Variants in ZFAT observed in about 807,000 individuals in gnomAD.
ZFAT encodes the protein zinc finger and AT-hook domain containing.
Under a neutral mutation model 117.7 loss-of-function variants are expected in ZFAT, and 64 were observed. The ratio of observed to expected loss-of-function variants is 0.54; its 90% CI spans 0.44 to 0.67. The LOEUF (loss-of-function observed/expected upper bound fraction) is 0.67, where lower values mean the gene tolerates loss of function less well. Ranked by LOEUF, ZFAT falls within the 30% of genes least tolerant of loss-of-function variation. The pLI is 0.00. For missense variants in ZFAT, 1,433 were observed against 1,584.5 expected (o/e 0.90, Z 1.62); for synonymous variants, 679 against 615.0 (o/e 1.10, Z -1.54).
intron 11 of ZFAT, among the ~76,000 whole-genome samples, chr8:134,559,980 T>G (rs1038039672): frequency 1.3e-5 from 2 of 152,230 alleles, no homozygotes; most frequent in African/African-American, 2.4e-5. Context: ...CAATATTTTT[T>G]TCTTGGATTT....
At chr8:134,586,102 T>G (rs564116646) in intron 9 of ZFAT, among the ~76,000 whole-genome samples, 155 of 152,342 alleles carry the variant, frequency 1.0e-3, no homozygotes, top group Middle Eastern at 6.8e-3. Context: ...GTATGGTGTG[T>G]GTACTGATAT....
At chr8:134,705,146 A>C (rs1265123685) in intron 1 of ZFAT, among the ~76,000 whole-genome samples, 1 of 152,206 alleles carries the variant, frequency 6.6e-6, no homozygotes, top group African/African-American at 2.4e-5. Flanking sequence ...GAATATATAA[A>C]GAACTCTTAC....
intron 14 of ZFAT, chr8:134,510,584 C>CCACCGAGA: frequency 1.2e-5 from 2 of 165,778 alleles, no homozygotes; most frequent in Admixed American, 5.9e-5. Context: ...CAGTGGCGGA[C>CCACCGAGA]TTATATTCAC....
the ZFAT span, among the ~76,000 whole-genome samples, chr8:134,778,040 A>C: frequency 6.6e-6 from 1 of 152,140 alleles, no homozygotes; most frequent in Non-Finnish European, 1.5e-5. Context: ...CCAGCTTTCA[A>C]ATTACCCCCA....
the ZFAT span, among the ~76,000 whole-genome samples, chr8:134,800,347 C>G: frequency 6.6e-6 from 1 of 152,164 alleles, no homozygotes; most frequent in Non-Finnish European, 1.5e-5. Flanking sequence ...CTTTTCTCTG[C>G]AAACATATTC....
At chr8:134,495,389 A>G (rs965480098) in intron 15 of ZFAT, among the ~76,000 whole-genome samples, 8 of 152,088 alleles carry the variant, frequency 5.3e-5, no homozygotes. Context: ...CGACCTAATC[A>G]TCTCCCAAAG....
At chr8:134,758,006 C>T in the ZFAT span, among the ~76,000 whole-genome samples, 1 of 152,212 alleles carries the variant, frequency 6.6e-6, no homozygotes, top group South Asian at 2.1e-4. Context: ...GATTTCAAAA[C>T]CTATATTCTG....
intron 10 of ZFAT, among the ~76,000 whole-genome samples, chr8:134,581,335 A>C (rs1479446970): frequency 6.6e-6 from 1 of 152,174 alleles, no homozygotes; most frequent in African/African-American, 2.4e-5. Context: ...GTGGGAAAGC[A>C]ATCATCTGGA....
Position 134,588,385 on chromosome 8 carries a change from C to T in ZFAT, c.2574G>A (p.Met858Ile), listed in dbSNP as rs1329772678. ...TCCCGAGAACCTCAGAAATGGTGCT[C>T]ATGGAGACCTCTAGAAGAAAAGCAG... is the stretch of plus-strand genomic sequence containing the variant. ...HIKTNHPEVS[M>I]STISEVLGRR... The change falls in exon 9 of 16, where the codon ATG becomes ATA. Residue 858 changes from methionine to isoleucine, a missense_variant. By Grantham distance (10) the Met-to-Ile change is conservative (BLOSUM62 1). Transcript: ENST00000377838. 1.9e-6 allele frequency: 3 copies of T among 1,584,438 alleles called. No individual in the cohort carries two copies. The highest frequency in any genetic ancestry group is 2.6e-6 in the Non-Finnish European group (3 of 1,165,778).
chr8:134,582,015 T>C (rs557447289), intron 10 of ZFAT, among the ~76,000 whole-genome samples: 1 of 149,422 alleles, frequency 6.7e-6, no homozygotes, highest in African/African-American at 2.5e-5. Context: ...TCCCAATGTT[T>C]TGTTAGAAAA....
At position 134,594,418 on chromosome 8, in the gene ZFAT, A is replaced by G. The variant is rs532249762; in HGVS notation, c.2476-4063T>C. Among the ~76,000 whole-genome samples, 16 of 152,344 alleles carry G rather than the reference A, an allele frequency of 1.1e-4. No homozygotes were observed. The South Asian group carries it at 2.1e-3, about 20-fold the overall frequency. On this transcript the variant is annotated intron_variant, in intron 7 of 15. Transcript: ENST00000377838. ...ACCTTCTCAGTGCTTTGTTGGCAAT[A>G]TATTATTTTAGCTTATCTCCAGAAA...
the ZFAT span, among the ~76,000 whole-genome samples, chr8:134,744,162 C>T: frequency 3.9e-5 from 6 of 152,302 alleles, no homozygotes; most frequent in African/African-American, 1.4e-4. Context: ...CTCTGAGGCT[C>T]AAGGTCTTCT....
At chr8:134,483,917 C>T (rs1475081199) in intron 15 of ZFAT, among the ~76,000 whole-genome samples, 5 of 152,220 alleles carry the variant, frequency 3.3e-5, no homozygotes, top group South Asian at 2.1e-4. Flanking sequence ...CTCTGCGGTG[C>T]GCCAGGCAGT....
chr8:134,718,568 G>T, the ZFAT span, among the ~76,000 whole-genome samples: 171 of 152,224 alleles, frequency 1.1e-3, no homozygotes, highest in African/African-American at 3.9e-3. Flanking sequence ...CTATGAATAA[G>T]AGTAACAGGG....
At chr8:134,593,565 C>A (rs916734717) in intron 7 of ZFAT, among the ~76,000 whole-genome samples, 8 of 152,118 alleles carry the variant, frequency 5.3e-5, no homozygotes, top group African/African-American at 1.9e-4. Flanking sequence ...ACGGAAATGG[C>A]CTTCAAAGCA....
intron 3 of ZFAT, 42 bp downstream of exon 3, chr8:134,637,419 T>G (rs1399374755): frequency 6.3e-7 from 1 of 1,579,226 alleles, no homozygotes; most frequent in South Asian, 1.2e-5. Flanking sequence ...GATACACCTC[T>G]TCATAAGAAA....
At chr8:134,729,345 T>A in the ZFAT span, among the ~76,000 whole-genome samples, 1 of 152,236 alleles carries the variant, frequency 6.6e-6, no homozygotes, top group Non-Finnish European at 1.5e-5. Flanking sequence ...TTTTGTTTTG[T>A]TTTTGAGACG....
chr8:134,534,235 T>C (rs948821821), intron 11 of ZFAT, among the ~76,000 whole-genome samples: 5 of 152,260 alleles, frequency 3.3e-5, no homozygotes, highest in Non-Finnish European at 4.4e-5. Context: ...ATACCTAAAA[T>C]GCCATGCAAA....
At chr8:134,750,997 A>T in the ZFAT span, among the ~76,000 whole-genome samples, 19 of 152,200 alleles carry the variant, frequency 1.2e-4, no homozygotes, top group Non-Finnish European at 2.5e-4. Flanking sequence ...TGATCATTTA[A>T]TTTCTTCTTT....
Sources: allele counts gnomAD v4.1 joint callset (sites outside exome capture counted in the v4.1 genomes callset), GRCh38; gene constraint gnomAD v4.1.1; transcripts MANE v1.5; gene names NCBI Gene and HGNC (gene_info 2026-07-23, HGNC 2026-07-21).